KALRN: variants seen among roughly 807,000 people sequenced by gnomAD.
KALRN encodes the protein kalirin.
A neutral mutation model predicts 353.7 loss-of-function variants in KALRN; 70 were observed. The observed-to-expected ratio is 0.20, with a 90% CI of 0.16 to 0.24. KALRN has a LOEUF of 0.24. Ranked by LOEUF, KALRN falls within the 10% of genes least tolerant of loss-of-function variation. The pLI is 1.00. For missense variants in KALRN, 2,791 were observed against 3,756.7 expected (o/e 0.74, Z 6.72); for synonymous variants, 1,391 against 1,434.8 (o/e 0.97, Z 0.69).
chr3:124,648,256 C>T (rs2082998021), intron 37 of KALRN, among the ~76,000 whole-genome samples: 1 of 152,360 alleles, frequency 6.6e-6, no homozygotes, highest in South Asian at 2.1e-4. Context: ...TAGCTTTAGC[C>T]AAATTCTTTC....
chr3:124,034,550 C>A (rs1036178510), intron 1 of KALRN, among the ~76,000 whole-genome samples: 1 of 152,018 alleles, frequency 6.6e-6, no homozygotes, highest in African/African-American at 2.4e-5. Context: ...AGGTGTAGAG[C>A]CCTGAGATGT....
chr3:124,220,030 T>C (rs1285914798), intron 1 of KALRN, among the ~76,000 whole-genome samples: 1 of 152,040 alleles, frequency 6.6e-6, no homozygotes, highest in Non-Finnish European at 1.5e-5. Flanking sequence ...CTGCAACCTC[T>C]GCCTCCCGGG....
chr3:124,661,944 T>C lies in KALRN; in HGVS notation c.6345+16T>C. The stretch of plus-strand genomic sequence containing the variant: ...GGGCTTTGAGGTGAGTCTTTAAGAA[T>C]GCGTCTAAGCCCACTCTCTCCAGGA... On this transcript the variant is annotated intron_variant, in intron 45 of 59. Coordinates refer to ENST00000682506, the MANE Select transcript of KALRN (RefSeq NM_001388419.1). 6.2e-7 allele frequency: 1 copy of C among 1,604,710 alleles called. No homozygotes were observed. Among genetic ancestry groups the C allele is most frequent in the Non-Finnish European group, 8.5e-7 (1 of 1,171,550 alleles).
chr3:124,071,756 A>C (rs781317461), intron 1 of KALRN, among the ~76,000 whole-genome samples: 4 of 152,140 alleles, frequency 2.6e-5, no homozygotes, highest in Non-Finnish European at 5.9e-5. Flanking sequence ...ATACCATCAC[A>C]TTGGCCATTA....
intron 8 of KALRN, among the ~76,000 whole-genome samples, chr3:124,330,246 T>TCTCTCTCACA (rs1421313474): frequency 1.5e-5 from 2 of 134,308 alleles, no homozygotes; most frequent in African/African-American, 5.5e-5. Context: ...TCTCTCTCTC[T>TCTCTCTCACA]CACACACACA....
At chr3:124,043,542 A>T (rs1376114946) in intron 1 of KALRN, among the ~76,000 whole-genome samples, 1 of 152,110 alleles carries the variant, frequency 6.6e-6, no homozygotes. Flanking sequence ...GACCTCAGTG[A>T]AGTAGCTGGC....
intron 34 of KALRN, among the ~76,000 whole-genome samples, chr3:124,620,938 G>T (rs1464722477): frequency 6.6e-6 from 1 of 152,226 alleles, no homozygotes; most frequent in African/African-American, 2.4e-5. Flanking sequence ...GTGGGGCCAG[G>T]GTCGTGGGGA....
intron 1 of KALRN, among the ~76,000 whole-genome samples, chr3:124,161,126 A>G (rs1316161105): frequency 2.0e-5 from 3 of 152,216 alleles, no homozygotes; most frequent in Admixed American, 1.3e-4. Context: ...TAAATGGTCA[A>G]TAATATATGC....
chr3:124,393,601 A>G (rs749009849), intron 11 of KALRN, among the ~76,000 whole-genome samples: 4 of 152,172 alleles, frequency 2.6e-5, no homozygotes, highest in African/African-American at 4.8e-5. Context: ...TGCATTCCCT[A>G]TAGCAATCAG....
At chr3:124,130,068 ACTTT>A (rs1361837548) in intron 1 of KALRN, among the ~76,000 whole-genome samples, 2 of 152,336 alleles carry the variant, frequency 1.3e-5, no homozygotes, top group East Asian at 3.9e-4. Context: ...TTTGGGGACA[ACTTT>A]TACCATTCAG....
chr3:124,689,636 C>T (rs1052372321), intron 51 of KALRN, among the ~76,000 whole-genome samples: 1 of 152,162 alleles, frequency 6.6e-6, no homozygotes, highest in Non-Finnish European at 1.5e-5. Flanking sequence ...CCCTCAGGAT[C>T]CTGCACACAC....
At chr3:124,664,438 T>G (rs1398677797) in intron 45 of KALRN, among the ~76,000 whole-genome samples, 1 of 142,146 alleles carries the variant, frequency 7.0e-6, no homozygotes, top group African/African-American at 2.7e-5. Flanking sequence ...TGAGATGGAG[T>G]CTTGCTCTGT....
chr3:124,129,456 C>T (rs2065042409), intron 1 of KALRN, among the ~76,000 whole-genome samples: 2 of 152,202 alleles, frequency 1.3e-5, no homozygotes, highest in South Asian at 4.1e-4. Flanking sequence ...ACCCACCCAA[C>T]TAGAGACATA....
intron 9 of KALRN, among the ~76,000 whole-genome samples, chr3:124,346,022 A>G (rs1238103311): frequency 6.6e-6 from 1 of 152,238 alleles, no homozygotes; most frequent in Non-Finnish European, 1.5e-5. Context: ...AAAGGCTAGT[A>G]CATCATTAAT....
intron 31 of KALRN, 43 bp downstream of exon 31, chr3:124,491,467 A>G (rs1330599070): frequency 2.1e-6 from 3 of 1,422,384 alleles, no homozygotes; most frequent in Non-Finnish European, 2.9e-6. Flanking sequence ...GGTTGGGGAT[A>G]ATAGAAGTGG....
chr3:124,378,208 T>C (rs1365212764), intron 10 of KALRN, among the ~76,000 whole-genome samples: 1 of 152,072 alleles, frequency 6.6e-6, no homozygotes, highest in African/African-American at 2.4e-5. Context: ...TATAACTCTT[T>C]ATTATTTTAA....
chr3:124,231,295 C>G (rs549305343), intron 2 of KALRN, among the ~76,000 whole-genome samples: 1 of 152,374 alleles, frequency 6.6e-6, no homozygotes, highest in African/African-American at 2.4e-5. Context: ...CTCTGATGTC[C>G]TTTGTACTAC....
At chr3:124,486,190 G>A (rs2062552301) in intron 28 of KALRN, among the ~76,000 whole-genome samples, 1 of 152,118 alleles carries the variant, frequency 6.6e-6, no homozygotes, top group African/African-American at 2.4e-5. Context: ...AGTATAGCAA[G>A]GATCAGGGAA....
Position 124,113,582 on chromosome 3 carries a change from G to A in KALRN, c.73+79769G>A, listed in dbSNP as rs372283679. Among the ~76,000 whole-genome samples, 9 of 152,332 alleles carry A rather than the reference G, an allele frequency of 5.9e-5. 1 individual carries two copies. The South Asian group carries it at 1.0e-3, about 18-fold the overall frequency. On this transcript the variant is annotated intron_variant, in intron 1 of 59. Coordinates refer to ENST00000682506, the MANE Select transcript of KALRN (RefSeq NM_001388419.1). ...AACTTCAGCTTCAGGCTGTACCTGTGTACCTGCTTGTGACTGGGATATGTT... is the reference window on the plus strand; with the variant it reads ...AACTTCAGCTTCAGGCTGTACCTGTATACCTGCTTGTGACTGGGATATGTT...
Sources: allele counts gnomAD v4.1 joint callset (sites outside exome capture counted in the v4.1 genomes callset), GRCh38; gene constraint gnomAD v4.1.1; transcripts MANE v1.5; gene names NCBI Gene and HGNC (gene_info 2026-07-23, HGNC 2026-07-21).